The following EFHC2 variants were observed in gnomAD, a reference collection of about 807,000 sequenced individuals.
The protein encoded by EFHC2 is EF-hand domain containing 2.
In EFHC2, 18 loss-of-function variants were observed where a neutral mutation model predicts 52.7. The ratio of observed to expected loss-of-function variants is 0.34; its 90% CI spans 0.24 to 0.51. EFHC2 has a LOEUF of 0.51. Among genes scored for constraint, EFHC2 ranks in the 20% least tolerant of loss-of-function variants. The probability of loss-of-function intolerance (pLI) is 0.97; values close to 1 mark genes in which losing one functional copy is unlikely to be tolerated. For missense variants in EFHC2, 513 were observed against 562.5 expected, an observed-to-expected ratio of 0.91 and a Z score of 0.89; for synonymous variants, 203 against 204.1, an observed-to-expected ratio of 0.99 and a Z score of 0.04.
chrX:44,281,169 C>T (rs2037699367), intron 2 of EFHC2, among the ~76,000 whole-genome samples: 1 of 112,262 alleles, frequency 8.9e-6, no homozygotes, highest in African/African-American at 3.2e-5. Flanking sequence ...ATCCACCCGC[C>T]TCAGCCTCCC....
chrX:44,301,711 T>C (rs1391339629), intron 2 of EFHC2, among the ~76,000 whole-genome samples: 1 of 112,084 alleles, frequency 8.9e-6, no homozygotes, highest in Non-Finnish European at 1.9e-5. Flanking sequence ...AGTCAACTGC[T>C]GATCTGCTTT....
At chrX:44,297,942 AAGAAAAC>A (rs1337079199) in intron 2 of EFHC2, among the ~76,000 whole-genome samples, 1 of 107,715 alleles carries the variant, frequency 9.3e-6, no homozygotes, top group Admixed American at 1.0e-4. Context: ...TAAAAGAGAA[AAGAAAAC>A]AGAAAAAAGG....
chrX:44,305,144 C>T (rs769434905), intron 2 of EFHC2, among the ~76,000 whole-genome samples: 111 of 110,413 alleles, frequency 1.0e-3, no homozygotes, highest in Middle Eastern at 4.6e-3. Context: ...TGCCTGTAGT[C>T]CCAGCTACTC....
At chrX:44,229,282 C>T (rs944628583) in intron 11 of EFHC2, among the ~76,000 whole-genome samples, 1 of 111,812 alleles carries the variant, frequency 8.9e-6, no homozygotes, top group African/African-American at 3.3e-5. Context: ...AGATGTCCCT[C>T]CTTTGTCCCC....
At chrX:44,327,718 A>G (rs1489761320) in intron 1 of EFHC2, among the ~76,000 whole-genome samples, 1 of 111,986 alleles carries the variant, frequency 8.9e-6, no homozygotes, top group African/African-American at 3.2e-5. Context: ...AGAATGTAAG[A>G]CTATAAGAGC....
intron 3 of EFHC2, among the ~76,000 whole-genome samples, chrX:44,269,601 C>T (rs1602187864): frequency 9.0e-6 from 1 of 110,871 alleles, no homozygotes; most frequent in African/African-American, 3.3e-5. Flanking sequence ...TCTTGCTCCC[C>T]GTCTTGCCAT....
intron 2 of EFHC2, chrX:44,310,514 C>T (rs974762526): frequency 7.0e-6 from 3 of 425,644 alleles, no homozygotes; most frequent in South Asian, 4.6e-5. Flanking sequence ...GGGCCGGGAC[C>T]GGGCGGCTGG....
In EFHC2 at chrX:44,225,969, G is replaced by T. The variant is rs551266743; in HGVS notation, c.1751+3680C>A. ...CAAACATCTATTGCACTTGGCAGGAGCTGATGTGGAGGCAGGGAAGCAAAC... is the reference window on the plus strand; with the variant it reads ...CAAACATCTATTGCACTTGGCAGGATCTGATGTGGAGGCAGGGAAGCAAAC... On this transcript the variant is annotated intron_variant, in intron 11 of 14. Coordinates refer to ENST00000420999, the MANE Select transcript of EFHC2 (RefSeq NM_025184.4). 3.3e-4 allele frequency among the ~76,000 whole-genome samples: 37 copies of T among 112,253 alleles called. No homozygotes were observed. The South Asian group carries it at 0.013, about 40-fold the overall frequency.
At chrX:44,220,989 GTTATA>G (rs745435963) in intron 11 of EFHC2, among the ~76,000 whole-genome samples, 1 of 111,616 alleles carries the variant, frequency 9.0e-6, no homozygotes, top group Admixed American at 9.5e-5. Context: ...CCTGGAGTCA[GTTATA>G]TTATTCTTTT....
chrX:44,283,792 G>A (rs1270640946), intron 2 of EFHC2: 3 of 108,249 alleles, frequency 2.8e-5, no homozygotes, highest in East Asian at 5.8e-4. Flanking sequence ...GGATCCTTAG[G>A]ACTTCTCCAG....
chrX:44,165,513 TTTTA>T (rs2036690067), intron 13 of EFHC2, among the ~76,000 whole-genome samples: 1 of 112,311 alleles, frequency 8.9e-6, no homozygotes, highest in African/African-American at 3.2e-5. Flanking sequence ...CCATTATTTC[TTTTA>T]TTTGTGTATG....
Position 44,192,351 on chromosome X carries a change from G to T in EFHC2, c.1752-13787C>A, listed in dbSNP as rs1166614189. ...GATTTAACCACTGCCTCTGTGTATT[G>T]CCTGAGGTCATATCTTTTTGGGTTT... On this transcript the variant is annotated intron_variant, in intron 11 of 14. Coordinates refer to ENST00000420999, the MANE Select transcript of EFHC2 (RefSeq NM_025184.4). Among the ~76,000 whole-genome samples, 3 of 111,701 alleles carry T rather than the reference G, an allele frequency of 2.7e-5. No individual in the cohort carries two copies. In the East Asian group the frequency reaches 8.4e-4, roughly 31 times the overall value.
intron 2 of EFHC2, chrX:44,309,992 A>T (rs769826371): frequency 2.4e-5 from 24 of 991,135 alleles, no homozygotes; most frequent in Non-Finnish European, 3.2e-5. Flanking sequence ...TTTGGAAGCC[A>T]TAGAAACAGC....
intron 4 of EFHC2, among the ~76,000 whole-genome samples, chrX:44,255,738 A>G (rs980435851): frequency 2.7e-5 from 3 of 111,870 alleles, no homozygotes; most frequent in Non-Finnish European, 5.6e-5. Flanking sequence ...TAACAAGGAT[A>G]TTCAGGACTT....
intron 11 of EFHC2, among the ~76,000 whole-genome samples, chrX:44,191,250 T>C (rs1351803708): frequency 1.8e-5 from 2 of 111,303 alleles, no homozygotes; most frequent in Non-Finnish European, 3.8e-5. Context: ...AATTTTTTTT[T>C]TTGAGACAGA....
Position 44,184,744 on chromosome X carries a change from A to AT in EFHC2, c.1752-6181_1752-6180insA, listed in dbSNP as rs2036861455. Among the ~76,000 whole-genome samples, 7 of 104,683 alleles carry AT rather than the reference A, an allele frequency of 6.7e-5. No individual in the cohort carries two copies. The East Asian group carries it at 2.1e-3, about 31-fold the overall frequency. The allele number at this position is 104,683 out of a possible 115,157, so 90.9% of individuals were successfully genotyped here. ...ATCTCAAAAAAAAAAAAAAAAAAAA[A>AT]GTGTGACCCCTTCCTCTACAACTCT... On this transcript the variant is annotated intron_variant, in intron 11 of 14. Coordinates refer to ENST00000420999, the MANE Select transcript of EFHC2 (RefSeq NM_025184.4).
At chrX:44,183,374 G>A (rs2036849794) in intron 11 of EFHC2, among the ~76,000 whole-genome samples, 1 of 111,853 alleles carries the variant, frequency 8.9e-6, no homozygotes, top group Admixed American at 9.5e-5. Flanking sequence ...TTACACTTGT[G>A]GGCCTAAGCT....
intron 14 of EFHC2, among the ~76,000 whole-genome samples, chrX:44,159,616 A>G (rs1040210287): frequency 8.9e-6 from 1 of 112,631 alleles, no homozygotes; most frequent in African/African-American, 3.2e-5. Flanking sequence ...GAAAAAGAAT[A>G]GTCCTTTCTG....
chrX:44,264,398 GC>G (rs1842438722), intron 3 of EFHC2, among the ~76,000 whole-genome samples: 1 of 111,932 alleles, frequency 8.9e-6, no homozygotes, highest in Non-Finnish European at 1.9e-5. Context: ...CTATGGCAAT[GC>G]ACCCTGCAGG....
Sources: gnomAD v4.1 joint callset for allele counts (sites outside exome capture counted in the v4.1 genomes callset) on GRCh38, gnomAD v4.1.1 for gene constraint, MANE v1.5 for transcripts, NCBI Gene and HGNC (gene_info 2026-07-23, HGNC 2026-07-21) for gene names.